ACAP1: variants seen among roughly 807,000 people sequenced by gnomAD.
The protein encoded by ACAP1 is ArfGAP with coiled-coil, ankyrin repeat and PH domains 1, also known as arf-GAP with coiled-coil, ANK repeat and PH domain-containing protein 1.
A neutral mutation model predicts 98.8 loss-of-function variants in ACAP1; 45 were observed. The observed-to-expected ratio is 0.46, with a 90% confidence interval of 0.36 to 0.58. The LOEUF is 0.58. ACAP1 is among the 20% of genes least tolerant of loss of function. The pLI, the probability that ACAP1 is intolerant of heterozygous loss-of-function variation, is 0.00. For missense variants in ACAP1, 735 were observed against 971.4 expected (o/e 0.76, Z 3.24); for synonymous variants, 362 against 375.3 (o/e 0.96, Z 0.41).
At chr17:7,349,379 C>T in intron 18 of ACAP1, 4 of 388,276 alleles carry the variant, frequency 1.0e-5, no homozygotes, top group East Asian at 4.5e-5. Context: ...TTACAGGAGA[C>T]TTTTTTTTTT....
At position 7,342,039 on chromosome 17, in the gene ACAP1, G is replaced by A. The variant is rs143045247; in HGVS notation, c.203G>A (p.Arg68His). The A allele has an allele frequency of 3.6e-5, 58 of 1,613,956 alleles. No homozygotes were observed. Among genetic ancestry groups the A allele is most frequent in the African/African-American group, 1.5e-4 (11 of 74,906 alleles). ...GTTGTCGGCATTTGTGACCTGGCCC[G>A]CCTGGGTCCACCAGAGCCCATGATG... ...AFVVGICDLA[R>H]LGPPEPMMAE... is the part of the protein sequence containing the mutation. Residue 68 changes from arginine to histidine, a missense_variant, in exon 3 of 22, where the codon CGC becomes CAC. By Grantham distance (29) the Arg-to-His change is conservative (BLOSUM62 0). Around this residue, in one of 5 missense-constraint regions of ACAP1, gnomAD observed 430 missense variants for 531.8 expected, o/e 0.81. Transcript: ENST00000158762.
chr17:7,346,155 G>A (rs2073343786), intron 10 of ACAP1, 89 bp from the exon 11 acceptor site: 1 of 1,276,950 alleles, frequency 7.8e-7, no homozygotes, highest in African/African-American at 1.5e-5. Flanking sequence ...TGTCCTCTCA[G>A]TAAGATCCTC....
chr17:7,338,567 A>T (rs982158198), intron 2 of ACAP1, among the ~76,000 whole-genome samples: 3 of 151,036 alleles, frequency 2.0e-5, no homozygotes, highest in Non-Finnish European at 3.0e-5. Context: ...CCGGCCTACA[A>T]ATAATAATTT....
Position 7,346,232 on chromosome 17 carries a change from C to T in ACAP1, c.855-12C>T. ...AGCTGCCTATGTCTGTAATGATTTCCTTCTCTTACAGACGCTGGTTCACCA... is the reference window on the plus strand; with the variant it reads ...AGCTGCCTATGTCTGTAATGATTTCTTTCTCTTACAGACGCTGGTTCACCA... On this transcript the variant is annotated splice_polypyrimidine_tract_variant and intron_variant, in intron 10 of 21. Coordinates refer to ENST00000158762, the MANE Select transcript of ACAP1 (RefSeq NM_014716.4). 6.2e-7 allele frequency: 1 copy of T among 1,613,680 alleles called. No individual in the cohort carries two copies. The highest frequency in any genetic ancestry group is 1.1e-5 in the South Asian group (1 of 91,030).
Position 7,346,605 on chromosome 17 carries a change from C to T in ACAP1, c.1007+114C>T, listed in dbSNP as rs576196623. The T allele has an allele frequency of 3.4e-4, 414 of 1,215,388 alleles. 1 individual carries two copies. In the African/African-American group the frequency reaches 5.6e-3, roughly 17 times the overall value. 75.3% of individuals were successfully genotyped at this position (1,215,388 alleles called of 1,614,324 possible). ...TGCAGCTCCAGACTTTAATTTAATT[C>T]TTTGGCGGCTGGACTGGGGGGCCAT... On this transcript the variant is annotated intron_variant, in intron 12 of 21. Transcript: ENST00000158762.
chr17:7,336,834 C>G lies in ACAP1; in HGVS notation c.53+47C>G, dbSNP rs372986997. The G allele has an allele frequency of 5.9e-5, 93 of 1,587,402 alleles. No homozygotes were observed. In the Admixed American group the frequency reaches 6.2e-4, roughly 11 times the overall value. Reference sequence around the variant, plus strand: ...GGGCTAAGGAGGGGAAAGTCTAACACCCCCAGCACACACACACCTTTCCCC... The same window carrying G: ...GGGCTAAGGAGGGGAAAGTCTAACAGCCCCAGCACACACACACCTTTCCCC... On this transcript the variant is annotated intron_variant, in intron 1 of 21. Transcript: ENST00000158762.
At chr17:7,348,821 A>T (rs1410201450) in intron 17 of ACAP1, 174 bp from the exon 18 acceptor site, 2 of 631,932 alleles carry the variant, frequency 3.2e-6, no homozygotes, top group East Asian at 5.5e-5. Flanking sequence ...ACTCGTACAC[A>T]TGCATACGCA....
chr17:7,337,445 A>G, intron 2 of ACAP1, 76 bp downstream of exon 2: 1 of 1,300,896 alleles, frequency 7.7e-7, no homozygotes, highest in Middle Eastern at 1.8e-4. Flanking sequence ...AGCTGGAGAC[A>G]CAGAATGCAT....
chr17:7,347,682 G>A, intron 14 of ACAP1: 1 of 588,144 alleles, frequency 1.7e-6, no homozygotes, highest in Non-Finnish European at 3.0e-6. Flanking sequence ...GGTGGCTGGA[G>A]TGATGAGGGC....
At chr17:7,337,231 G>T in intron 1 of ACAP1, 81 bp from the exon 2 acceptor site, 1 of 1,346,350 alleles carries the variant, frequency 7.4e-7, no homozygotes, top group Admixed American at 1.7e-5. Context: ...CGTACCCACC[G>T]CCCTGCGACT....
intron 2 of ACAP1, among the ~76,000 whole-genome samples, chr17:7,341,654 A>G (rs1440981875): frequency 1.3e-5 from 2 of 152,210 alleles, no homozygotes; most frequent in African/African-American, 4.8e-5. Flanking sequence ...GTGCGAGTGG[A>G]CAGGGAAAGA....
intron 17 of ACAP1, 102 bp downstream of exon 17, chr17:7,348,577 G>A (rs1289332189): frequency 1.5e-6 from 2 of 1,297,980 alleles, no homozygotes; most frequent in African/African-American, 1.5e-5. Context: ...CCTTCCGCTG[G>A]ACAATGTCGG....
Position 7,343,533 on chromosome 17 carries a change from C to G in ACAP1, c.499C>G (p.Arg167Gly). The change falls in exon 6 of 22, where the codon CGG becomes GGG. Residue 167 changes from arginine to glycine, a missense_variant. Transcript: ENST00000158762. The surrounding 1 kb of genome is among the most constrained non-coding windows in gnomAD (Gnocchi z 4.9). The stretch of plus-strand genomic sequence containing the variant: ...TTTGAGGACGGCTCGAGCTGGGTAC[C>G]GGGGACGGGCACTGGATTATGCCCT... ...AALRTARAGY[R>G]GRALDYALQI... The G allele has an allele frequency of 6.2e-7, 1 of 1,613,712 alleles. No individual in the cohort carries two copies. Among genetic ancestry groups the G allele is most frequent in the Non-Finnish European group, 8.5e-7 (1 of 1,179,764 alleles).
In ACAP1 at chr17:7,350,333, A is replaced by G; in HGVS notation, c.2072+96A>G. On this transcript the variant is annotated intron_variant, in intron 20 of 21. Coordinates refer to ENST00000158762, the MANE Select transcript of ACAP1 (RefSeq NM_014716.4). This position sits in a 1 kb window ranked among gnomAD's most constrained non-coding sequence, Gnocchi z 4.6. The stretch of plus-strand genomic sequence containing the variant: ...GCGGGCGGGGCTGACGCCGAAACAG[A>G]AGCCTGTGCTGTGGGGCCTCGGAAA... The G allele has an allele frequency of 9.7e-7, 1 of 1,034,112 alleles. No homozygotes were observed. The highest frequency in any genetic ancestry group is 1.4e-6 in the Non-Finnish European group (1 of 708,530). 64.1% of individuals were successfully genotyped at this position (1,034,112 alleles called of 1,614,324 possible). A position where few individuals can be genotyped will look rare whatever the true frequency, so the allele number is the denominator to read the frequency against.
At chr17:7,337,252 T>C in intron 1 of ACAP1, 60 bp from the exon 2 acceptor site, 1 of 1,547,748 alleles carries the variant, frequency 6.5e-7, no homozygotes, top group South Asian at 1.1e-5. Flanking sequence ...CCATCCCGCC[T>C]GATGAGGCAG....
Position 7,349,863 on chromosome 17 carries a change from G to A in ACAP1, c.1852-82G>A, listed in dbSNP as rs113197072. ...ACCACACTCCACCCTCCCATTCTCT[G>A]AACTGGCGCCACCCTAAGACATCTT... On this transcript the variant is annotated intron_variant, in intron 18 of 21. Coordinates refer to ENST00000158762, the MANE Select transcript of ACAP1 (RefSeq NM_014716.4). The A allele has an allele frequency of 1.4e-3, 1,633 of 1,174,454 alleles. 4 individuals carry two copies. In the Middle Eastern group the frequency reaches 0.023, roughly 16 times the overall value. The allele number at this position is 1,174,454 out of a possible 1,614,324, so 72.8% of individuals were successfully genotyped here.
Position 7,344,126 on chromosome 17 carries a change from G to GAGGGGCC in ACAP1, c.744+7_744+13dup. 1 of 1,567,470 alleles carries GAGGGGCC rather than the reference G, an allele frequency of 6.4e-7. No homozygotes were observed. Among genetic ancestry groups the GAGGGGCC allele is most frequent in the Non-Finnish European group, 8.7e-7 (1 of 1,155,882 alleles). On this transcript the variant is annotated splice_donor_region_variant and intron_variant, in intron 9 of 21. Transcript: ENST00000158762. The surrounding 1 kb of genome is among the most constrained non-coding windows in gnomAD (Gnocchi z 4.9). ...GACACGTGCTGCTGAAACAGAAGGT[G>GAGGGGCC]AGGGGCCAGGTGCGGTGGCCCACGA...
Position 7,337,337 on chromosome 17 carries a change from G to A in ACAP1, c.79G>A (p.Glu27Lys), listed in dbSNP as rs749113236. Residue 27 changes from glutamate to lysine, a missense_variant, in exon 2 of 22, where the codon GAA becomes AAA. Coordinates refer to ENST00000158762, the MANE Select transcript of ACAP1 (RefSeq NM_014716.4). Reference sequence around the variant, plus strand: ...AGCCTCTATTGAGCTGGTGGAAGCCGAAGTGTCAGAATTGGAGACCCGTCT... The same window carrying A: ...AGCCTCTATTGAGCTGGTGGAAGCCAAAGTGTCAGAATTGGAGACCCGTCT... ...FRASIELVEA[E>K]VSELETRLEK... The A allele has an allele frequency of 1.2e-5, 20 of 1,614,038 alleles. No homozygotes were observed. Among genetic ancestry groups the A allele is most frequent in the South Asian group, 6.6e-5 (6 of 91,084 alleles).
At position 7,336,635 on chromosome 17, in the gene ACAP1, T is replaced by C; in HGVS notation, c.-100T>C. 1.5e-6 allele frequency: 2 copies of C among 1,304,910 alleles called. No individual in the cohort carries two copies. Among genetic ancestry groups the C allele is most frequent in the South Asian group, 1.2e-5 (1 of 84,552 alleles). The allele number at this position is 1,304,910 out of a possible 1,614,324, so 80.8% of individuals were successfully genotyped here. On this transcript the variant is annotated 5_prime_UTR_variant, in exon 1 of 22. Coordinates refer to ENST00000158762, the MANE Select transcript of ACAP1 (RefSeq NM_014716.4). The stretch of plus-strand genomic sequence containing the variant: ...TTCCCCGCGGAGGTCCCTCTCCTCC[T>C]TCCCCCTCATCTCCCCTTCCTGGGA...
Sources: gnomAD v4.1 joint callset for allele counts (sites outside exome capture counted in the v4.1 genomes callset) on GRCh38, gnomAD v4.1.1 for gene constraint, gnomAD v4.1.1 regional missense constraint, Gnocchi (gnomAD v3.1) non-coding constraint, MANE v1.5 for transcripts, NCBI Gene and HGNC (gene_info 2026-07-23, HGNC 2026-07-21) for gene names.